The following UNC13C variants were observed in gnomAD, a reference collection of about 807,000 sequenced individuals.
The protein encoded by UNC13C is unc-13 homolog C.
In UNC13C, 174 loss-of-function variants were observed where a neutral mutation model predicts 245.4. That is an observed-to-expected ratio of 0.71 (90% CI 0.63 to 0.80). The LOEUF (loss-of-function observed/expected upper bound fraction) is 0.80, where lower values mean the gene tolerates loss of function less well. UNC13C is among the 30% of genes least tolerant of loss of function. The pLI is 0.00. For synonymous variants in UNC13C, 992 were observed against 895.1 expected (o/e 1.11, Z -1.93); for missense variants, 2,829 against 2,602.9 (o/e 1.09, Z -1.89).
At chr15:53,951,084 T>A in the UNC13C span, among the ~76,000 whole-genome samples, 1 of 152,206 alleles carries the variant, frequency 6.6e-6, no homozygotes, top group East Asian at 1.9e-4. Context: ...AAATTCATAT[T>A]TTTAGGACCT....
At chr15:54,018,213 T>A (rs909486538) in intron 2 of UNC13C, among the ~76,000 whole-genome samples, 2 of 152,170 alleles carry the variant, frequency 1.3e-5, no homozygotes, top group African/African-American at 4.8e-5. Context: ...CCCATGGCCA[T>A]CTGCTTACTG....
At chr15:54,259,407 C>T (rs550406466) in intron 8 of UNC13C, among the ~76,000 whole-genome samples, 5 of 152,196 alleles carry the variant, frequency 3.3e-5, no homozygotes, top group African/African-American at 9.6e-5. Flanking sequence ...ACAGTCATGG[C>T]GGAAGGCGAA....
intron 19 of UNC13C, among the ~76,000 whole-genome samples, chr15:54,465,522 G>A (rs137918827): frequency 5.1e-4 from 78 of 152,048 alleles, no homozygotes; most frequent in African/African-American, 1.6e-3. Flanking sequence ...AACATGAAAT[G>A]GTACTAGTTA....
intron 19 of UNC13C, among the ~76,000 whole-genome samples, chr15:54,473,433 G>C (rs977877970): frequency 6.6e-6 from 1 of 151,694 alleles, no homozygotes; most frequent in African/African-American, 2.4e-5. Context: ...CGCTGTGCTG[G>C]CAAACACTAC....
intron 2 of UNC13C, among the ~76,000 whole-genome samples, chr15:54,030,480 C>T (rs143926031): frequency 3.9e-5 from 6 of 152,034 alleles, no homozygotes; most frequent in East Asian, 1.9e-4. Context: ...TAAGGTCAAT[C>T]GGGTAGAAAT....
intron 2 of UNC13C, among the ~76,000 whole-genome samples, chr15:54,125,178 C>G (rs758211009): frequency 2.0e-5 from 3 of 151,824 alleles, no homozygotes; most frequent in Non-Finnish European, 4.4e-5. Flanking sequence ...AAAAATAATT[C>G]TAGGGCCGGG....
chr15:54,572,574 C>A (rs537393450), intron 30 of UNC13C, among the ~76,000 whole-genome samples: 1 of 151,634 alleles, frequency 6.6e-6, no homozygotes, highest in Non-Finnish European at 1.5e-5. Context: ...TATAGGTGCA[C>A]GCCACCATGC....
chr15:54,348,480 T>C (rs180845037), intron 17 of UNC13C, among the ~76,000 whole-genome samples: 74 of 152,286 alleles, frequency 4.9e-4, no homozygotes, highest in Non-Finnish European at 6.5e-4. Flanking sequence ...AATTAATGCT[T>C]ACTAAATGAA....
At chr15:53,995,390 A>G (rs1363746006) in intron 1 of UNC13C, among the ~76,000 whole-genome samples, 1 of 152,028 alleles carries the variant, frequency 6.6e-6, no homozygotes, top group African/African-American at 2.4e-5. Flanking sequence ...AATCAGAAAA[A>G]AAGGCAGCCC....
At chr15:54,323,094 A>G (rs1555449288) in intron 14 of UNC13C, among the ~76,000 whole-genome samples, 2 of 151,560 alleles carry the variant, frequency 1.3e-5, no homozygotes, top group Non-Finnish European at 2.9e-5. Context: ...TGCACTTCCA[A>G]TTTAGTTTAC....
chr15:53,939,571 T>C, the UNC13C span, among the ~76,000 whole-genome samples: 100 of 152,196 alleles, frequency 6.6e-4, no homozygotes, highest in African/African-American at 2.3e-3. Flanking sequence ...TGACAAACAT[T>C]GATGCAAAAA....
chr15:54,344,855 C>G (rs2038823372), intron 17 of UNC13C, among the ~76,000 whole-genome samples: 1 of 152,156 alleles, frequency 6.6e-6, no homozygotes, highest in African/African-American at 2.4e-5. Context: ...GGCTCAAAAC[C>G]ATAATCATTG....
intron 8 of UNC13C, among the ~76,000 whole-genome samples, chr15:54,261,150 C>A (rs2036413979): frequency 6.6e-6 from 1 of 152,114 alleles, no homozygotes; most frequent in South Asian, 2.1e-4. Context: ...CTCTTTTGAT[C>A]TCATCAATTG....
intron 2 of UNC13C, among the ~76,000 whole-genome samples, chr15:54,078,305 C>T (rs1039439837): frequency 3.3e-5 from 5 of 152,028 alleles, no homozygotes; most frequent in Non-Finnish European, 4.4e-5. Context: ...CATAAGAGTC[C>T]GGCTATATTT....
At chr15:54,159,147 C>T (rs991601970) in intron 4 of UNC13C, among the ~76,000 whole-genome samples, 2 of 152,218 alleles carry the variant, frequency 1.3e-5, no homozygotes, top group Non-Finnish European at 2.9e-5. Context: ...CATCTCCCTG[C>T]TGGCAATGTG....
intron 2 of UNC13C, among the ~76,000 whole-genome samples, chr15:54,123,761 TGTATAA>T (rs1386620726): frequency 6.6e-6 from 1 of 152,140 alleles, no homozygotes; most frequent in Non-Finnish European, 1.5e-5. Context: ...ACGTGTAAAT[TGTATAA>T]GCACCATTGC....
chr15:54,261,246 C>A (rs937018584), intron 8 of UNC13C, among the ~76,000 whole-genome samples: 1 of 152,090 alleles, frequency 6.6e-6, no homozygotes, highest in African/African-American at 2.4e-5. Context: ...CATGTAAAAG[C>A]AAATTTAAAG....
At chr15:54,541,552 G>A (rs17818566) in intron 26 of UNC13C, among the ~76,000 whole-genome samples, 1 of 152,100 alleles carries the variant, frequency 6.6e-6, no homozygotes, top group Non-Finnish European at 1.5e-5. Context: ...TCCTGCATAA[G>A]CACATTCATC....
intron 2 of UNC13C, among the ~76,000 whole-genome samples, chr15:54,096,464 C>T (rs1036883356): frequency 3.9e-5 from 6 of 152,068 alleles, no homozygotes; most frequent in Admixed American, 2.6e-4. Context: ...TTTCTTTTCC[C>T]CTTAACAGCA....
Sources: allele counts gnomAD v4.1 joint callset (sites outside exome capture counted in the v4.1 genomes callset), GRCh38; gene constraint gnomAD v4.1.1; transcripts MANE v1.5; gene names NCBI Gene and HGNC (gene_info 2026-07-23, HGNC 2026-07-21).